The following IL1RAP variants were observed in gnomAD, a reference collection of about 807,000 sequenced individuals.
IL1RAP encodes interleukin-1 receptor accessory protein.
Under a neutral mutation model 60.7 loss-of-function variants are expected in IL1RAP, and 35 were observed. The observed-to-expected ratio is 0.58, with a 90% CI of 0.44 to 0.76. The LOEUF (loss-of-function observed/expected upper bound fraction) is 0.76. Ranked by LOEUF, IL1RAP falls within the 30% of genes least tolerant of loss-of-function variation. The pLI, the probability that IL1RAP is intolerant of heterozygous loss-of-function variation, is 0.00. For missense variants in IL1RAP, 572 were observed against 693.9 expected, an observed-to-expected ratio of 0.82 and a Z score of 1.97; for synonymous variants, 268 against 250.9, an observed-to-expected ratio of 1.07 and a Z score of -0.64.
intron 3 of IL1RAP, among the ~76,000 whole-genome samples, chr3:190,588,183 A>G (rs1321275030): frequency 6.6e-6 from 1 of 152,120 alleles, no homozygotes; most frequent in Admixed American, 6.6e-5. Context: ...GTGCAATCTC[A>G]GCTCACTGCA....
At chr3:190,524,260 T>G (rs902338724) in intron 1 of IL1RAP, among the ~76,000 whole-genome samples, 1 of 152,206 alleles carries the variant, frequency 6.6e-6, no homozygotes, top group Admixed American at 6.5e-5. Context: ...ATTAGACCTT[T>G]GTCAGAAGCA....
In IL1RAP at chr3:190,560,991, T is replaced by A. The variant is rs537945797; in HGVS notation, c.-1-3298T>A. Among the ~76,000 whole-genome samples, 9 of 152,282 alleles carry A rather than the reference T, an allele frequency of 5.9e-5. No homozygotes were observed. In the South Asian group the frequency reaches 1.9e-3, roughly 32 times the overall value. On this transcript the variant is annotated intron_variant, in intron 2 of 11. Transcript: ENST00000447382. ...AGGGAGCATGAGGATTATCATGCAG[T>A]AAATTACACGGATAATGCAGGAAAG...
rs189868846 is a variant in IL1RAP, at chr3:190,658,217, A to C, written c.*1610A>C. 5 of 152,302 alleles carry C rather than the reference A, an allele frequency of 3.3e-5. No homozygotes were observed. In the East Asian group the frequency reaches 9.6e-4, roughly 29 times the overall value. 9.4% of individuals were successfully genotyped at this position (152,302 alleles called of 1,614,324 possible). ...ATGGGATGGCTTAAAGTTAAGAAGG[A>C]AAAAACAAAGAGCCAAACAAATTAT... On this transcript the variant is annotated 3_prime_UTR_variant, in exon 12 of 12. Transcript: ENST00000317757.
At chr3:190,559,855 A>C (rs923585688) in intron 2 of IL1RAP, among the ~76,000 whole-genome samples, 1 of 152,204 alleles carries the variant, frequency 6.6e-6, no homozygotes, top group African/African-American at 2.4e-5. Context: ...ATCCTCAAAC[A>C]GTTGTTCCAT....
chr3:190,529,905 C>A (rs552307846), intron 1 of IL1RAP, among the ~76,000 whole-genome samples: 8 of 151,744 alleles, frequency 5.3e-5, no homozygotes, highest in African/African-American at 1.9e-4. Context: ...GTGGGCCTGG[C>A]TGCTGCCCCA....
chr3:190,595,286 C>T (rs548781457), intron 3 of IL1RAP, among the ~76,000 whole-genome samples: 1 of 152,208 alleles, frequency 6.6e-6, no homozygotes, highest in South Asian at 2.1e-4. Context: ...TATCAAAGTC[C>T]GCCTTGGAAT....
chr3:190,623,510 T>G, intron 7 of IL1RAP, 95 bp downstream of exon 7: 1 of 906,968 alleles, frequency 1.1e-6, no homozygotes, highest in Admixed American at 1.9e-5. Flanking sequence ...AGACGACTGT[T>G]GTAGAGAAAC....
At chr3:190,529,857 CAAAAAAAAA>C (rs56743516) in intron 1 of IL1RAP, among the ~76,000 whole-genome samples, 1 of 75,966 alleles carries the variant, frequency 1.3e-5, no homozygotes, top group African/African-American at 4.3e-5. Context: ...GACTCTGACT[CAAAAAAAAA>C]AAAAAAAAGA....
chr3:190,611,082 A>G (rs1013648051), intron 5 of IL1RAP, among the ~76,000 whole-genome samples: 1 of 152,132 alleles, frequency 6.6e-6, no homozygotes, highest in African/African-American at 2.4e-5. Context: ...TGTTGTAGAG[A>G]AGTGTGTTTT....
At chr3:190,552,778 T>G (rs1724975786) in intron 1 of IL1RAP, among the ~76,000 whole-genome samples, 1 of 151,830 alleles carries the variant, frequency 6.6e-6, no homozygotes, top group Admixed American at 6.6e-5. Flanking sequence ...TGAGGCAAAA[T>G]GGAGAAAAAT....
chr3:190,604,065 CTTTT>C, intron 3 of IL1RAP, 59 bp from the exon 4 acceptor site: 1 of 1,511,636 alleles, frequency 6.6e-7, no homozygotes, highest in Non-Finnish European at 9.0e-7. Flanking sequence ...AAGGTGTGTT[CTTTT>C]GAGGCCTTTG....
chr3:190,582,555 T>G (rs1728096979), intron 3 of IL1RAP, among the ~76,000 whole-genome samples: 2 of 152,122 alleles, frequency 1.3e-5, no homozygotes, highest in Non-Finnish European at 2.9e-5. Flanking sequence ...TGACCTCAGG[T>G]GATCCACCCG....
intron 1 of IL1RAP, among the ~76,000 whole-genome samples, chr3:190,533,084 C>G (rs1723131491): frequency 6.6e-6 from 1 of 152,144 alleles, no homozygotes; most frequent in African/African-American, 2.4e-5. Flanking sequence ...GGAAATGCTG[C>G]TTTGAAATAC....
At chr3:190,622,807 G>T (rs760092702) in intron 6 of IL1RAP, among the ~76,000 whole-genome samples, 1 of 152,064 alleles carries the variant, frequency 6.6e-6, no homozygotes, top group Non-Finnish European at 1.5e-5. Context: ...TGGAGGTTCC[G>T]TCACACAGGC....
intron 5 of IL1RAP, among the ~76,000 whole-genome samples, chr3:190,616,006 G>A (rs1731238625): frequency 6.6e-6 from 1 of 152,128 alleles, no homozygotes; most frequent in Non-Finnish European, 1.5e-5. Context: ...GTGTGAGAGA[G>A]TATGTACCAT....
At chr3:190,532,276 T>A (rs1723051136) in intron 1 of IL1RAP, among the ~76,000 whole-genome samples, 3 of 150,750 alleles carry the variant, frequency 2.0e-5, no homozygotes, top group Non-Finnish European at 4.4e-5. Context: ...TTTTTTTTTT[T>A]TTTTGAGATG....
At chr3:190,585,152 G>A (rs144104836) in intron 3 of IL1RAP, among the ~76,000 whole-genome samples, 162 of 152,278 alleles carry the variant, frequency 1.1e-3, no homozygotes, top group Non-Finnish European at 1.8e-3. Context: ...CCTACAAACT[G>A]TAACAAAGTG....
intron 4 of IL1RAP, among the ~76,000 whole-genome samples, chr3:190,608,240 C>T (rs989662720): frequency 6.6e-6 from 1 of 152,262 alleles, no homozygotes; most frequent in South Asian, 2.1e-4. Context: ...GAGCCTACTA[C>T]ACACCTAGGC....
Position 190,648,324 on chromosome 3 carries a change from G to A in IL1RAP, c.1346-14G>A. The A allele has an allele frequency of 6.4e-7, 1 of 1,562,936 alleles. No homozygotes were observed. Among genetic ancestry groups the A allele is most frequent in the East Asian group, 2.2e-5 (1 of 44,678 alleles). On this transcript the variant is annotated splice_polypyrimidine_tract_variant and intron_variant, in intron 11 of 11. Coordinates refer to ENST00000447382, the MANE Select transcript of IL1RAP (RefSeq NM_002182.4). ...TTGGCCAACACTAATCCCCATGGTT[G>A]TTTTCTTTCCCAGTTGTCACAGATG...
Sources: allele counts gnomAD v4.1 joint callset (sites outside exome capture counted in the v4.1 genomes callset), GRCh38; gene constraint gnomAD v4.1.1; transcripts MANE v1.5; gene names NCBI Gene and HGNC (gene_info 2026-07-23, HGNC 2026-07-21).